Variants in TSEN15 observed in about 807,000 individuals in gnomAD.
TSEN15 encodes the protein tRNA splicing endonuclease subunit 15.
A neutral mutation model predicts 20.5 loss-of-function variants in TSEN15; 10 were observed. The observed-to-expected ratio is 0.49, with a 90% CI of 0.30 to 0.83. The LOEUF (loss-of-function observed/expected upper bound fraction) is 0.83. Ranked by LOEUF, TSEN15 falls within the 40% of genes least tolerant of loss-of-function variation. The probability of loss-of-function intolerance (pLI) is 0.06; values close to 1 mark genes in which losing one functional copy is unlikely to be tolerated. For synonymous variants in TSEN15, 72 were observed against 80.1 expected, an observed-to-expected ratio of 0.90 and a Z score of 0.54; for missense variants, 180 against 218.6, an observed-to-expected ratio of 0.82 and a Z score of 1.11.
chr1:184,067,803 C>T (rs1650724646), intron 3 of TSEN15, among the ~76,000 whole-genome samples: 1 of 150,870 alleles, frequency 6.6e-6, no homozygotes, highest in South Asian at 2.1e-4. Flanking sequence ...CCTGTAGTCC[C>T]AGCTACTTGG....
chr1:184,094,276 C>A (rs531540438), intron 3 of TSEN15: 1 of 152,230 alleles, frequency 6.6e-6, no homozygotes, highest in Admixed American at 6.5e-5. Context: ...GACATCAGAT[C>A]CCATGCATTC....
chr1:184,069,685 A>G (rs984128091), intron 3 of TSEN15, among the ~76,000 whole-genome samples: 8 of 152,092 alleles, frequency 5.3e-5, no homozygotes, highest in Admixed American at 2.6e-4. Context: ...TCTGTTGACT[A>G]AAAGGCAAAA....
At chr1:184,076,214 T>G (rs1203028765), downstream of TSEN15, among the ~76,000 whole-genome samples, 4 of 152,138 alleles carry the variant, frequency 2.6e-5, no homozygotes, top group Non-Finnish European at 5.9e-5. Flanking sequence ...TCCAACATGA[T>G]CATTTCATGT....
intron 3 of TSEN15, among the ~76,000 whole-genome samples, chr1:184,055,538 C>T (rs1182326995): frequency 6.6e-6 from 1 of 152,120 alleles, no homozygotes; most frequent in East Asian, 1.9e-4. Context: ...AAGACCATTA[C>T]ATATGAAATA....
At chr1:184,080,743 C>T (rs1007336726) in intron 3 of TSEN15, among the ~76,000 whole-genome samples, 20 of 152,128 alleles carry the variant, frequency 1.3e-4, no homozygotes, top group Non-Finnish European at 2.8e-4. Flanking sequence ...AGTTTCTCTG[C>T]TTGTTGACAC....
chr1:184,060,231 T>G (rs1572705598), intron 3 of TSEN15, among the ~76,000 whole-genome samples: 1 of 152,244 alleles, frequency 6.6e-6, no homozygotes, highest in East Asian at 1.9e-4. Context: ...ATGGGGAACT[T>G]TTGAACAGAA....
At chr1:184,078,289 T>TAA (rs1263999035), downstream of TSEN15, among the ~76,000 whole-genome samples, 1 of 152,196 alleles carries the variant, frequency 6.6e-6, no homozygotes, top group East Asian at 1.9e-4. Context: ...GTGCATTGTT[T>TAA]TTTAGACATG....
chr1:184,051,993 C>A, intron 1 of TSEN15, 103 bp downstream of exon 1: 1 of 1,165,564 alleles, frequency 8.6e-7, no homozygotes, highest in Non-Finnish European at 1.1e-6. Flanking sequence ...AGACTGAGGA[C>A]GCGCGCCACC....
chr1:184,067,924 CAAAA>C (rs71130650), intron 3 of TSEN15, among the ~76,000 whole-genome samples: 16 of 54,846 alleles, frequency 2.9e-4, no homozygotes, highest in South Asian at 1.3e-3. Flanking sequence ...CTCTCTCTCT[CAAAA>C]AAAAAAAAAA....
chr1:184,083,144 A>G (rs1366649286), intron 3 of TSEN15, among the ~76,000 whole-genome samples: 1 of 152,162 alleles, frequency 6.6e-6, no homozygotes, highest in Non-Finnish European at 1.5e-5. Context: ...ATTGCATTCA[A>G]ATATTCATAA....
At chr1:184,094,687 T>G (rs1390368332) in intron 3 of TSEN15, 1 of 242,682 alleles carries the variant, frequency 4.1e-6, no homozygotes, top group Non-Finnish European at 7.9e-6. Flanking sequence ...ATGAAGGCTG[T>G]CTCTCTCACT....
intron 3 of TSEN15, among the ~76,000 whole-genome samples, chr1:184,069,346 A>G (rs2102892088): frequency 6.6e-6 from 1 of 152,256 alleles, no homozygotes; most frequent in East Asian, 1.9e-4. Context: ...TACATAGGTT[A>G]TATTTTTCAT....
chr1:184,093,147 C>T (rs907817960), intron 3 of TSEN15, among the ~76,000 whole-genome samples: 3 of 152,150 alleles, frequency 2.0e-5, no homozygotes, highest in African/African-American at 7.2e-5. Flanking sequence ...CTGTTCTTTT[C>T]TCAGAGTGGC....
At chr1:184,076,691 T>C (rs1003102320), downstream of TSEN15, among the ~76,000 whole-genome samples, 4 of 152,126 alleles carry the variant, frequency 2.6e-5, no homozygotes, top group African/African-American at 7.2e-5. Context: ...AAATGAAAAG[T>C]GCTACTCCAG....
chr1:184,051,853 G>A lies in TSEN15; in HGVS notation c.98G>A (p.Trp33Ter). 1 of 1,552,520 alleles carries A rather than the reference G, an allele frequency of 6.4e-7. No homozygotes were observed. Among genetic ancestry groups the A allele is most frequent in the Non-Finnish European group, 8.7e-7 (1 of 1,149,008 alleles). ...GGCGACGGCGGTGGAGCTCCTTCGT[G>A]GGCCCCTGAGGACGCCTGGATGGGC... ...GFGDGGGAPS[W>*]APEDAWMGTH... The change falls in exon 1 of 5, where the codon TGG becomes TAG. Residue 33 changes from tryptophan to a stop codon, truncating the protein, a stop_gained. Transcript: ENST00000645668. LOFTEE classifies it high-confidence loss of function.
chr1:184,080,392 G>A (rs548891019), intron 3 of TSEN15, among the ~76,000 whole-genome samples: 2 of 152,224 alleles, frequency 1.3e-5, no homozygotes, highest in African/African-American at 4.8e-5. Context: ...ATTAGATCCA[G>A]GTCTCCTGAT....
downstream of TSEN15, among the ~76,000 whole-genome samples, chr1:184,079,195 A>G (rs1467866029): frequency 6.6e-6 from 1 of 152,178 alleles, no homozygotes; most frequent in Non-Finnish European, 1.5e-5. Flanking sequence ...TCAAATGTCT[A>G]GTAGGTGGGT....
exon 4 of TSEN15, chr1:184,095,786 C>T (rs1651439142): frequency 2.5e-6 from 1 of 398,372 alleles, no homozygotes; most frequent in Non-Finnish European, 4.4e-6. Flanking sequence ...TGTTCCTGCA[C>T]TTCGGTCTGG....
intron 3 of TSEN15, among the ~76,000 whole-genome samples, chr1:184,092,413 G>T (rs533143973): frequency 2.0e-5 from 3 of 152,194 alleles, no homozygotes; most frequent in Non-Finnish European, 2.9e-5. Context: ...TAACTTAGTA[G>T]AAAAGAGAAA....
Sources: gnomAD v4.1 joint callset for allele counts (sites outside exome capture counted in the v4.1 genomes callset) on GRCh38, gnomAD v4.1.1 for gene constraint, MANE v1.5 for transcripts, NCBI Gene and HGNC (gene_info 2026-07-23, HGNC 2026-07-21) for gene names.